Variants in CERS6 observed in about 807,000 individuals in gnomAD.
CERS6 encodes LAG1 homolog, ceramide synthase 6.
CERS6 carries 26 observed loss-of-function variants against 56.8 expected under a neutral mutation model. The observed-to-expected ratio is 0.46, with a 90% confidence interval of 0.34 to 0.63. The LOEUF (loss-of-function observed/expected upper bound fraction) is 0.63, where lower values mean the gene tolerates loss of function less well. Ranked by LOEUF, CERS6 falls within the 30% of genes least tolerant of loss-of-function variation. The probability of loss-of-function intolerance (pLI) is 0.01; values close to 1 mark genes in which losing one functional copy is unlikely to be tolerated. For synonymous variants in CERS6, 164 were observed against 173.3 expected (o/e 0.95, Z 0.42); for missense variants, 415 against 467.5 (o/e 0.89, Z 1.04).
At chr2:168,555,459 A>G (rs1428280885) in intron 2 of CERS6, among the ~76,000 whole-genome samples, 1 of 152,138 alleles carries the variant, frequency 6.6e-6, no homozygotes, top group East Asian at 1.9e-4. Context: ...AAGCAGAAGG[A>G]AGAAAGTAGT....
intron 4 of CERS6, among the ~76,000 whole-genome samples, chr2:168,668,998 A>T (rs1324110888): frequency 6.6e-6 from 1 of 152,178 alleles, no homozygotes; most frequent in Admixed American, 6.5e-5. Flanking sequence ...CTGACTTTGT[A>T]TGTCCCTCGC....
At chr2:168,479,806 C>A (rs1694146139) in intron 1 of CERS6, among the ~76,000 whole-genome samples, 1 of 152,214 alleles carries the variant, frequency 6.6e-6, no homozygotes, top group South Asian at 2.1e-4. Flanking sequence ...CGGGGTTTCT[C>A]CATGTTGGTC....
chr2:168,723,248 AC>A, intron 8 of CERS6, among the ~76,000 whole-genome samples: 1 of 152,250 alleles, frequency 6.6e-6, no homozygotes, highest in South Asian at 2.1e-4. Context: ...GAAACCCTAC[AC>A]CTCTAAAGAC....
chr2:168,464,666 C>T (rs1440706455), intron 1 of CERS6, among the ~76,000 whole-genome samples: 1 of 142,054 alleles, frequency 7.0e-6, no homozygotes, highest in African/African-American at 2.6e-5. Context: ...TTGAATGGGT[C>T]TTTATGAGGG....
At chr2:168,560,411 AAAC>A (rs912616099) in intron 2 of CERS6, among the ~76,000 whole-genome samples, 8 of 152,330 alleles carry the variant, frequency 5.3e-5, no homozygotes, top group African/African-American at 1.9e-4. Flanking sequence ...TTAGGTTGGT[AAAC>A]AACCTTTTCT....
intron 4 of CERS6, among the ~76,000 whole-genome samples, chr2:168,636,952 C>T (rs1684873788): frequency 6.6e-6 from 1 of 152,178 alleles, no homozygotes; most frequent in South Asian, 2.1e-4. Flanking sequence ...GACCTTTACG[C>T]AAGCCTCTTA....
At chr2:168,477,758 G>A (rs1198049692) in intron 1 of CERS6, among the ~76,000 whole-genome samples, 1 of 152,184 alleles carries the variant, frequency 6.6e-6, no homozygotes, top group Non-Finnish European at 1.5e-5. Context: ...TCTGCTCACT[G>A]AAGGAAAGTT....
chr2:168,685,281 A>G (rs536654917), intron 4 of CERS6, among the ~76,000 whole-genome samples: 1 of 152,316 alleles, frequency 6.6e-6, no homozygotes, highest in African/African-American at 2.4e-5. Context: ...CTTTTCTTAA[A>G]TCAAAATAGT....
At chr2:168,672,833 C>T (rs1438706727) in intron 4 of CERS6, among the ~76,000 whole-genome samples, 1 of 152,150 alleles carries the variant, frequency 6.6e-6, no homozygotes, top group Non-Finnish European at 1.5e-5. Context: ...AATGATTACA[C>T]AATTTTGGAA....
chr2:168,562,944 A>G (rs1156552345), intron 3 of CERS6, among the ~76,000 whole-genome samples: 1 of 152,214 alleles, frequency 6.6e-6, no homozygotes, highest in Non-Finnish European at 1.5e-5. Flanking sequence ...CACGAGTCTG[A>G]GCAAGGGTGA....
chr2:168,728,653 C>T (rs1315618111), intron 8 of CERS6, among the ~76,000 whole-genome samples: 1 of 151,636 alleles, frequency 6.6e-6, no homozygotes, highest in Non-Finnish European at 1.5e-5. Flanking sequence ...GAAGGGAGAA[C>T]AGAATATGCT....
At chr2:168,607,683 A>G (rs1247120590) in intron 3 of CERS6, among the ~76,000 whole-genome samples, 1 of 152,070 alleles carries the variant, frequency 6.6e-6, no homozygotes, top group Non-Finnish European at 1.5e-5. Flanking sequence ...CCAGGCCAAA[A>G]CTAGTATATC....
rs527363450 is a variant in CERS6 at position 168,551,156 on chromosome 2, C to T, written c.276+3455C>T. 5.9e-5 allele frequency among the ~76,000 whole-genome samples: 9 copies of T among 152,316 alleles called. No individual in the cohort carries two copies. In the South Asian group the frequency reaches 1.2e-3, roughly 21 times the overall value. On this transcript the variant is annotated intron_variant, in intron 2 of 9. Coordinates refer to ENST00000305747, the MANE Select transcript of CERS6 (RefSeq NM_203463.3). ...AATGTGGACCCTTCTGAATGGGGGT[C>T]CCTGTGTGACAGCACAGGTCACATG...
At chr2:168,646,756 A>C (rs1336164780) in intron 4 of CERS6, among the ~76,000 whole-genome samples, 1 of 152,166 alleles carries the variant, frequency 6.6e-6, no homozygotes, top group Non-Finnish European at 1.5e-5. Context: ...TTCTCTGCAT[A>C]TGGCTAGCCA....
intron 1 of CERS6, among the ~76,000 whole-genome samples, chr2:168,536,832 T>G (rs1015917133): frequency 6.6e-6 from 1 of 152,172 alleles, no homozygotes; most frequent in Non-Finnish European, 1.5e-5. Flanking sequence ...TCCTTGCGAT[T>G]TTTAATATTA....
chr2:168,762,842 C>A (rs1217740135), intron 8 of CERS6, among the ~76,000 whole-genome samples: 1 of 151,956 alleles, frequency 6.6e-6, no homozygotes, highest in Non-Finnish European at 1.5e-5. Flanking sequence ...TGGGGAAGAA[C>A]CTATTTGTCT....
intron 1 of CERS6, among the ~76,000 whole-genome samples, chr2:168,489,186 G>C (rs1480496453): frequency 3.3e-5 from 5 of 152,066 alleles, no homozygotes. Flanking sequence ...TTTTAGGTTG[G>C]TGGATTTTTT....
chr2:168,594,673 A>G (rs569872124), intron 3 of CERS6, among the ~76,000 whole-genome samples: 20 of 152,220 alleles, frequency 1.3e-4, no homozygotes, highest in African/African-American at 4.3e-4. Flanking sequence ...TTTCCACCCC[A>G]GTGTAAGTCC....
chr2:168,600,089 C>G (rs1427298986), intron 3 of CERS6, among the ~76,000 whole-genome samples: 1 of 152,116 alleles, frequency 6.6e-6, no homozygotes, highest in Non-Finnish European at 1.5e-5. Context: ...TTTCCCTCCC[C>G]CTTCCTCCTT....
Sources: gnomAD v4.1 joint callset for allele counts (sites outside exome capture counted in the v4.1 genomes callset) on GRCh38, gnomAD v4.1.1 for gene constraint, MANE v1.5 for transcripts, NCBI Gene and HGNC (gene_info 2026-07-23, HGNC 2026-07-21) for gene names.